MSRA: variants seen among roughly 807,000 people sequenced by gnomAD.
MSRA encodes mitochondrial peptide methionine sulfoxide reductase.
A neutral mutation model predicts 31.3 loss-of-function variants in MSRA; 54 were observed. The observed-to-expected ratio is 1.73, with a 90% CI of 1.39 to 2.17. MSRA has a LOEUF of 2.17. Among genes scored for constraint, MSRA ranks in the 30% most tolerant of loss-of-function variants. The pLI is 0.00. For missense variants in MSRA, 507 were observed against 300.9 expected (o/e 1.69, Z -5.07); for synonymous variants, 169 against 116.5 (o/e 1.45, Z -2.90).
intron 2 of MSRA, among the ~76,000 whole-genome samples, chr8:10,216,237 T>G (rs1311328219): frequency 6.6e-6 from 1 of 152,170 alleles, no homozygotes; most frequent in Non-Finnish European, 1.5e-5. Flanking sequence ...TGCATTAGAA[T>G]TAGGTAAATA....
chr8:10,193,996 A>T (rs1585137297), intron 1 of MSRA, among the ~76,000 whole-genome samples: 1 of 152,330 alleles, frequency 6.6e-6, no homozygotes, highest in Non-Finnish European at 1.5e-5. Flanking sequence ...GTGAACATAT[A>T]AAATAGATTT....
chr8:10,258,934 C>T (rs931723708), intron 3 of MSRA, among the ~76,000 whole-genome samples: 1 of 152,112 alleles, frequency 6.6e-6, no homozygotes, highest in Non-Finnish European at 1.5e-5. Flanking sequence ...TGTCGAAACC[C>T]TGTATGTACT....
chr8:10,229,561 G>A (rs1299093367), intron 2 of MSRA, among the ~76,000 whole-genome samples: 2 of 149,290 alleles, frequency 1.3e-5, no homozygotes, highest in East Asian at 3.9e-4. Context: ...TAGAGGGTGT[G>A]CCTGCGCATG....
chr8:10,214,110 A>T (rs11775334), intron 2 of MSRA, among the ~76,000 whole-genome samples: 1 of 151,950 alleles, frequency 6.6e-6, no homozygotes, highest in Admixed American at 6.6e-5. Context: ...TTCTTCAAAC[A>T]AGAGTGGGGA....
At chr8:10,223,674 C>T (rs1810725071) in intron 2 of MSRA, among the ~76,000 whole-genome samples, 1 of 152,060 alleles carries the variant, frequency 6.6e-6, no homozygotes, top group Admixed American at 6.5e-5. Context: ...CAGACAGATA[C>T]TGGGACAGAA....
At chr8:10,105,956 C>A (rs1799851315) in intron 1 of MSRA, among the ~76,000 whole-genome samples, 1 of 152,220 alleles carries the variant, frequency 6.6e-6, no homozygotes, top group South Asian at 2.1e-4. Flanking sequence ...CCCTCTTTCC[C>A]TGCTAGTAAC....
chr8:10,241,311 G>A (rs1048380485), intron 2 of MSRA, among the ~76,000 whole-genome samples: 3 of 152,164 alleles, frequency 2.0e-5, no homozygotes, highest in Non-Finnish European at 4.4e-5. Context: ...GAGCAAAGAA[G>A]CTATGAGACA....
intron 5 of MSRA, among the ~76,000 whole-genome samples, chr8:10,421,489 C>A (rs1409720541): frequency 6.6e-6 from 1 of 151,932 alleles, no homozygotes; most frequent in Non-Finnish European, 1.5e-5. Context: ...CCTGCATTTC[C>A]CAGGGTGGTA....
chr8:10,187,626 A>G (rs536422255), intron 1 of MSRA, among the ~76,000 whole-genome samples: 1 of 152,364 alleles, frequency 6.6e-6, no homozygotes, highest in African/African-American at 2.4e-5. Context: ...ATGACAAGGC[A>G]TGACTTCCTG....
At chr8:10,184,442 G>C (rs759758389) in intron 1 of MSRA, among the ~76,000 whole-genome samples, 9 of 151,846 alleles carry the variant, frequency 5.9e-5, no homozygotes, top group Non-Finnish European at 1.0e-4. Flanking sequence ...GATGTAAAAG[G>C]TTTGGCTGGT....
intron 1 of MSRA, among the ~76,000 whole-genome samples, chr8:10,196,223 G>A (rs1021051115): frequency 6.6e-6 from 1 of 152,230 alleles, no homozygotes; most frequent in Non-Finnish European, 1.5e-5. Context: ...ATACTGTGGA[G>A]CTTCTCTAGA....
chr8:10,185,728 C>A (rs577872743), intron 1 of MSRA, among the ~76,000 whole-genome samples: 1 of 152,152 alleles, frequency 6.6e-6, no homozygotes, highest in Non-Finnish European at 1.5e-5. Context: ...CTGGATGAGG[C>A]CTGAACTGAC....
At chr8:10,147,936 C>G (rs188383533) in intron 1 of MSRA, among the ~76,000 whole-genome samples, 1 of 152,284 alleles carries the variant, frequency 6.6e-6, no homozygotes, top group South Asian at 2.1e-4. Context: ...AGCGGGAAAA[C>G]GACTTTAGAG....
intron 1 of MSRA, among the ~76,000 whole-genome samples, chr8:10,182,582 AT>A: frequency 6.6e-6 from 1 of 152,194 alleles, no homozygotes; most frequent in Non-Finnish European, 1.5e-5. Flanking sequence ...TTTTTTATTT[AT>A]TGTGGGCACA....
intron 1 of MSRA, among the ~76,000 whole-genome samples, chr8:10,082,779 A>T (rs1798359840): frequency 6.6e-6 from 1 of 152,050 alleles, no homozygotes; most frequent in African/African-American, 2.4e-5. Context: ...GTTGTGTTTT[A>T]TTCCACCCGC....
At chr8:10,198,466 T>C (rs762277123) in intron 1 of MSRA, among the ~76,000 whole-genome samples, 5 of 152,204 alleles carry the variant, frequency 3.3e-5, no homozygotes, top group Non-Finnish European at 7.3e-5. Flanking sequence ...TTATTCTCCA[T>C]GTGTGGGGTC....
chr8:10,084,673 G>A (rs1392987741), intron 1 of MSRA, among the ~76,000 whole-genome samples: 19 of 152,190 alleles, frequency 1.2e-4, no homozygotes, highest in Admixed American at 1.2e-3. Context: ...CTGATGAGAG[G>A]TAGGTATTAT....
chr8:10,089,808 A>T lies in MSRA; in HGVS notation c.142+35150A>T, dbSNP rs7831989. 2.0e-4 allele frequency among the ~76,000 whole-genome samples: 30 copies of T among 151,790 alleles called. 1 individual carries two copies. The highest frequency in any genetic ancestry group is 1.7e-3 in the Admixed American group (26 of 15,254). The stretch of plus-strand genomic sequence containing the variant: ...CAAGGGGCGTCCTGGCTTTATAACA[A>T]CCCAGTCTCAGGGAACGAATCTATT... On this transcript the variant is annotated intron_variant, in intron 1 of 5. Transcript: ENST00000317173.
intron 1 of MSRA, among the ~76,000 whole-genome samples, chr8:10,128,336 A>C (rs1384555785): frequency 6.6e-6 from 1 of 151,792 alleles, no homozygotes; most frequent in Non-Finnish European, 1.5e-5. Flanking sequence ...CCGAGATTGC[A>C]CCATTGCACT....
Sources: allele counts gnomAD v4.1 joint callset (sites outside exome capture counted in the v4.1 genomes callset), GRCh38; gene constraint gnomAD v4.1.1; transcripts MANE v1.5; gene names NCBI Gene and HGNC (gene_info 2026-07-23, HGNC 2026-07-21).